RBMS3: variants seen among roughly 807,000 people sequenced by gnomAD.
RBMS3 encodes the protein RNA binding motif single stranded interacting protein 3, also known as RNA-binding motif, single-stranded-interacting protein 3.
Under a neutral mutation model 66.8 loss-of-function variants are expected in RBMS3, and 27 were observed. The ratio of observed to expected loss-of-function variants is 0.40; its 90% CI spans 0.30 to 0.56. The LOEUF (loss-of-function observed/expected upper bound fraction) is 0.56, where lower values mean the gene tolerates loss of function less well. RBMS3 is among the 20% of genes least tolerant of loss of function. RBMS3 has a pLI of 0.40. For synonymous variants in RBMS3, 188 were observed against 183.0 expected (o/e 1.03, Z -0.22); for missense variants, 513 against 549.5 (o/e 0.93, Z 0.66).
Position 29,884,191 on chromosome 3 carries a change from A to T in RBMS3, c.774A>T (p.Thr258=). The T allele has an allele frequency of 6.2e-7, 1 of 1,611,764 alleles. No homozygotes were observed. The highest frequency in any genetic ancestry group is 8.5e-7 in the Non-Finnish European group (1 of 1,178,410). The part of the protein sequence containing the change: ...EAGMALTYDP[T]AAIQNGFYSS... Reference sequence around the variant, plus strand: ...GCATGGCTTTGACCTATGACCCCACAGCTGCCATACAGAATGGGTAAGTAG... The same window carrying T: ...GCATGGCTTTGACCTATGACCCCACTGCTGCCATACAGAATGGGTAAGTAG... Residue 258 remains threonine (T), a synonymous_variant, in exon 8 of 15, where the codon ACA becomes ACT. Coordinates refer to ENST00000383767, the MANE Select transcript of RBMS3 (RefSeq NM_001003793.3).
chr3:29,319,390 T>A lies in RBMS3; in HGVS notation c.75+37634T>A, dbSNP rs183213471. On this transcript the variant is annotated intron_variant, in intron 1 of 14. Transcript: ENST00000383767. ...TCTTCTTTAACTTATTTCAGTTGTATCTCTTCTGTTAAGCTGGGGACCTAC... is the reference window on the plus strand; with the variant it reads ...TCTTCTTTAACTTATTTCAGTTGTAACTCTTCTGTTAAGCTGGGGACCTAC... Among the ~76,000 whole-genome samples, 144 of 152,116 alleles carry A rather than the reference T, an allele frequency of 9.5e-4. No homozygotes were observed. The Middle Eastern group carries it at 0.031, about 32-fold the overall frequency.
At chr3:29,596,555 T>C (rs1297622062) in intron 4 of RBMS3, among the ~76,000 whole-genome samples, 1 of 152,228 alleles carries the variant, frequency 6.6e-6, no homozygotes, top group African/African-American at 2.4e-5. Flanking sequence ...GGTATTATTA[T>C]TCCAATTGTA....
At chr3:29,629,803 G>T (rs918952027) in intron 4 of RBMS3, among the ~76,000 whole-genome samples, 2 of 152,034 alleles carry the variant, frequency 1.3e-5, no homozygotes, top group African/African-American at 2.4e-5. Flanking sequence ...TTAAAATACA[G>T]TTGACCTGAC....
At chr3:29,500,379 T>A (rs1324518045) in intron 3 of RBMS3, among the ~76,000 whole-genome samples, 1 of 149,910 alleles carries the variant, frequency 6.7e-6, no homozygotes, top group Non-Finnish European at 1.5e-5. Context: ...TTCTGGCTAT[T>A]GTTTTGAACC....
chr3:29,286,972 T>C (rs2032398730), intron 1 of RBMS3, among the ~76,000 whole-genome samples: 2 of 152,124 alleles, frequency 1.3e-5, no homozygotes, highest in African/African-American at 2.4e-5. Flanking sequence ...CACAGCTGTA[T>C]GTGATTAAAT....
intron 6 of RBMS3, among the ~76,000 whole-genome samples, chr3:29,868,367 T>G (rs1317245338): frequency 6.6e-6 from 1 of 152,138 alleles, no homozygotes; most frequent in Non-Finnish European, 1.5e-5. Context: ...TTCTAGCCAT[T>G]TAGAAATTAC....
chr3:29,627,749 T>C (rs6769440), intron 4 of RBMS3, among the ~76,000 whole-genome samples: 2,417 of 152,246 alleles, frequency 0.016, 50 homozygotes, highest in African/African-American at 0.056. Context: ...TCTGTTTTCA[T>C]GTGGTAAGCA....
intron 1 of RBMS3, among the ~76,000 whole-genome samples, chr3:29,404,787 T>G (rs2039945775): frequency 6.6e-6 from 1 of 152,114 alleles, no homozygotes; most frequent in African/African-American, 2.4e-5. Context: ...GATGGCAAAG[T>G]ACCTGCAAAC....
intron 6 of RBMS3, among the ~76,000 whole-genome samples, chr3:29,787,566 A>T (rs2056861923): frequency 6.6e-6 from 1 of 152,184 alleles, no homozygotes. Flanking sequence ...GGAATTGGAG[A>T]CTATTATTCT....
At chr3:29,464,096 C>A (rs2042460906) in intron 2 of RBMS3, among the ~76,000 whole-genome samples, 1 of 152,008 alleles carries the variant, frequency 6.6e-6, no homozygotes, top group Admixed American at 6.6e-5. Flanking sequence ...CACCTGCAAC[C>A]CTTAACTTGT....
At chr3:29,926,611 G>T (rs542889921) in intron 10 of RBMS3, among the ~76,000 whole-genome samples, 99 of 152,242 alleles carry the variant, frequency 6.5e-4, no homozygotes, top group African/African-American at 2.3e-3. Flanking sequence ...CAGTCTATTT[G>T]TCAGTAAGGA....
chr3:29,384,807 C>CT (rs1162556338), intron 1 of RBMS3, among the ~76,000 whole-genome samples: 5 of 152,188 alleles, frequency 3.3e-5, no homozygotes, highest in African/African-American at 1.2e-4. Flanking sequence ...CTGAGGGCCT[C>CT]TGACATTCCT....
intron 6 of RBMS3, among the ~76,000 whole-genome samples, chr3:29,833,437 G>T (rs1229132755): frequency 1.3e-5 from 2 of 152,034 alleles, no homozygotes; most frequent in East Asian, 1.9e-4. Flanking sequence ...GCAACTAAAT[G>T]ATATCAGAAA....
intron 4 of RBMS3, among the ~76,000 whole-genome samples, chr3:29,606,994 G>C (rs1255759571): frequency 6.6e-6 from 1 of 151,802 alleles, no homozygotes; most frequent in Non-Finnish European, 1.5e-5. Context: ...AAAATAATCT[G>C]ACAGAGAAAA....
chr3:29,364,701 C>T (rs78231696), intron 1 of RBMS3, among the ~76,000 whole-genome samples: 2,571 of 152,230 alleles, frequency 0.017, 89 homozygotes, highest in African/African-American at 0.059. Flanking sequence ...TTATTAGATG[C>T]ATAGATGTGT....
chr3:29,884,422 T>TTTTCTCTCTCTCTC lies in RBMS3; in HGVS notation c.791+215_791+216insTTCTCTCTCTCTCT, dbSNP rs777331613. On this transcript the variant is annotated intron_variant, in intron 8 of 14. Transcript: ENST00000383767. Reference sequence around the variant, plus strand: ...ATGCCTCTGCCCACATTAAACCCTGTTCTCTCTCTCTCTCTCTCTCTCTCT... The same window carrying TTTTCTCTCTCTCTC: ...ATGCCTCTGCCCACATTAAACCCTGTTTTCTCTCTCTCTCTCTCTCTCTCTCTCTCTCTCTCTCT... 3.3e-3 allele frequency among the ~76,000 whole-genome samples: 137 copies of TTTTCTCTCTCTCTC among 41,850 alleles called. 10 individuals carry two copies. The highest frequency in any genetic ancestry group is 0.013 in the African/African-American group (127 of 9,654). The allele number at this position is 41,850 out of a possible 152,430, so 27.5% of individuals were successfully genotyped here.
intron 4 of RBMS3, among the ~76,000 whole-genome samples, chr3:29,592,352 T>C (rs1354692314): frequency 6.6e-6 from 1 of 152,052 alleles, no homozygotes; most frequent in Non-Finnish European, 1.5e-5. Flanking sequence ...GTGAAGGATA[T>C]GAACAGACAC....
At chr3:29,458,779 T>C (rs1031965387) in intron 2 of RBMS3, among the ~76,000 whole-genome samples, 8 of 152,220 alleles carry the variant, frequency 5.3e-5, no homozygotes, top group Non-Finnish European at 1.2e-4. Flanking sequence ...TCTCAACATA[T>C]ACATTGAATT....
intron 12 of RBMS3, among the ~76,000 whole-genome samples, chr3:29,945,850 T>C (rs1164830078): frequency 1.3e-5 from 2 of 151,724 alleles, no homozygotes; most frequent in Non-Finnish European, 2.9e-5. Context: ...CTGAAAGTTC[T>C]AGAGCAGATA....
Sources: allele counts gnomAD v4.1 joint callset (sites outside exome capture counted in the v4.1 genomes callset), GRCh38; gene constraint gnomAD v4.1.1; transcripts MANE v1.5; gene names NCBI Gene and HGNC (gene_info 2026-07-23, HGNC 2026-07-21).